The following LOC400499 variants were observed in gnomAD, a reference collection of about 807,000 sequenced individuals.
chr16:11,515,535 A>G, the LOC400499 span, among the ~76,000 whole-genome samples: 1 of 151,922 alleles, frequency 6.6e-6, no homozygotes, highest in Non-Finnish European at 1.5e-5. Flanking sequence ...ACATACATAC[A>G]TAAAATAAAA....
chr16:11,458,480 G>A, the LOC400499 span, among the ~76,000 whole-genome samples: 1 of 151,280 alleles, frequency 6.6e-6, no homozygotes, highest in Non-Finnish European at 1.5e-5. Context: ...ACTCCAGTGT[G>A]GGCAACAAAA....
At chr16:11,456,914 A>G in the LOC400499 span, 2 of 1,536,156 alleles carry the variant, frequency 1.3e-6, no homozygotes, top group South Asian at 2.4e-5. Context: ...CGCCTGCCAC[A>G]AACAGCGGCC....
the LOC400499 span, among the ~76,000 whole-genome samples, chr16:11,454,037 G>A: frequency 4.7e-4 from 72 of 152,224 alleles, no homozygotes; most frequent in African/African-American, 1.6e-3. Context: ...TCCATACCAA[G>A]GTACCTCATA....
At chr16:11,443,633 G>C in the LOC400499 span, among the ~76,000 whole-genome samples, 1 of 152,034 alleles carries the variant, frequency 6.6e-6, no homozygotes, top group South Asian at 2.1e-4. Context: ...GGTTCTAGTA[G>C]GCATTTTACA....
At chr16:11,416,141 G>A in the LOC400499 span, among the ~76,000 whole-genome samples, 1 of 151,758 alleles carries the variant, frequency 6.6e-6, no homozygotes, top group Non-Finnish European at 1.5e-5. Flanking sequence ...GTAGAGACAG[G>A]GTTTCACCAT....
chr16:11,414,266 G>T, the LOC400499 span: 20 of 398,960 alleles, frequency 5.0e-5, no homozygotes, highest in Non-Finnish European at 8.8e-5. Context: ...CCTGCACACA[G>T]CGGGTCCTCT....
At chr16:11,473,619 G>A in the LOC400499 span, among the ~76,000 whole-genome samples, 1 of 152,072 alleles carries the variant, frequency 6.6e-6, no homozygotes, top group Non-Finnish European at 1.5e-5. Flanking sequence ...GCCGGGCTTG[G>A]TGGCAGGTGC....
At chr16:11,450,818 C>G in the LOC400499 span, 1 of 1,525,716 alleles carries the variant, frequency 6.6e-7, no homozygotes, top group Non-Finnish European at 8.8e-7. Flanking sequence ...AGGTTCAAGG[C>G]TCCTGCAAGC....
the LOC400499 span, among the ~76,000 whole-genome samples, chr16:11,409,720 C>G: frequency 6.6e-6 from 1 of 152,180 alleles, no homozygotes; most frequent in Admixed American, 6.5e-5. Flanking sequence ...CGTTCAGTTT[C>G]TGGAATGTTG....
chr16:11,439,667 C>G, the LOC400499 span: 1 of 398,274 alleles, frequency 2.5e-6, no homozygotes, highest in Non-Finnish European at 4.4e-6. Flanking sequence ...GCAAATGCAT[C>G]CCAGAATATG....
chr16:11,439,937 C>T, the LOC400499 span, among the ~76,000 whole-genome samples: 4 of 152,174 alleles, frequency 2.6e-5, no homozygotes, highest in East Asian at 5.8e-4. Flanking sequence ...TAATCCTCAG[C>T]AGTGCTTTGC....
At chr16:11,394,891 G>A in the LOC400499 span, among the ~76,000 whole-genome samples, 1 of 152,218 alleles carries the variant, frequency 6.6e-6, no homozygotes, top group African/African-American at 2.4e-5. Flanking sequence ...CTCTAGAACT[G>A]TGACACCATA....
chr16:11,378,170 C>G, the LOC400499 span, among the ~76,000 whole-genome samples: 1 of 151,286 alleles, frequency 6.6e-6, no homozygotes, highest in East Asian at 1.9e-4. Context: ...CTCCTGGGCT[C>G]AAGCAGTCTC....
chr16:11,399,403 C>G, the LOC400499 span: 1 of 508,574 alleles, frequency 2.0e-6, no homozygotes, highest in Non-Finnish European at 3.1e-6. Context: ...GGCCCCAGAG[C>G]TGGACGCTCC....
At chr16:11,392,335 G>A in the LOC400499 span, 4 of 398,858 alleles carry the variant, frequency 1.0e-5, no homozygotes, top group African/African-American at 6.2e-5. Flanking sequence ...GGCCCAGCAG[G>A]CCCCCCTGGC....
At chr16:11,443,439 G>C in the LOC400499 span, 12 of 380,542 alleles carry the variant, frequency 3.2e-5, no homozygotes, top group Non-Finnish European at 5.5e-5. Context: ...CCAGACTCCA[G>C]CCTAGACAAC....
At chr16:11,396,629 A>G in the LOC400499 span, 1 of 1,232,168 alleles carries the variant, frequency 8.1e-7, no homozygotes, top group Non-Finnish European at 1.0e-6. Flanking sequence ...GGAACGCAGC[A>G]GGAGTCCACC....
At chr16:11,372,647 A>C in the LOC400499 span, 6 of 642,092 alleles carry the variant, frequency 9.3e-6, no homozygotes, top group East Asian at 2.7e-4. Flanking sequence ...CCCAGCCATG[A>C]ATCTTGTCAT....
At chr16:11,512,852 G>C in the LOC400499 span, among the ~76,000 whole-genome samples, 4 of 152,174 alleles carry the variant, frequency 2.6e-5, no homozygotes, top group African/African-American at 7.2e-5. Flanking sequence ...GTCGGTGTGC[G>C]GGGAGGGCAG....
Sources: allele counts gnomAD v4.1 joint callset (sites outside exome capture counted in the v4.1 genomes callset), GRCh38; gene constraint gnomAD v4.1.1; transcripts MANE v1.5.